The following PANK3 variants were observed in gnomAD, a reference collection of about 807,000 sequenced individuals.
PANK3 encodes the protein pantothenate kinase 3.
PANK3 carries 20 observed loss-of-function variants against 39.4 expected under a neutral mutation model. The ratio of observed to expected loss-of-function variants is 0.51; its 90% CI spans 0.36 to 0.74. PANK3 has a LOEUF of 0.74. PANK3 is among the 30% of genes least tolerant of loss of function. The pLI is 0.00. For synonymous variants in PANK3, 140 were observed against 157.3 expected, an observed-to-expected ratio of 0.89 and a Z score of 0.82; for missense variants, 265 against 437.0, an observed-to-expected ratio of 0.61 and a Z score of 3.51.
At chr5:168,566,474 G>C (rs925671897) in intron 2 of PANK3, among the ~76,000 whole-genome samples, 5 of 152,186 alleles carry the variant, frequency 3.3e-5, no homozygotes, top group African/African-American at 1.2e-4. Flanking sequence ...TTTTCTAAAT[G>C]ATGGGGAGGA....
At chr5:168,569,369 T>C (rs1038951860) in intron 1 of PANK3, among the ~76,000 whole-genome samples, 7 of 151,006 alleles carry the variant, frequency 4.6e-5, no homozygotes, top group Non-Finnish European at 1.0e-4. Context: ...TTTTTTTGTA[T>C]TTTTAGTAGA....
chr5:168,561,095 C>T (rs1016519743), intron 5 of PANK3: 10 of 251,342 alleles, frequency 4.0e-5, no homozygotes, highest in African/African-American at 1.8e-4. Context: ...CAAAGTATCT[C>T]AAAATGTCTT....
At position 168,555,020 on chromosome 5, in the gene PANK3, G is replaced by A. The variant is rs539347562; in HGVS notation, c.*2551C>T. ...TTCCCATATGTAATCTAGAGGTACT[G>A]GAATAATAAGAACACAAAATCATAA... On this transcript the variant is annotated 3_prime_UTR_variant, in exon 7 of 7. Coordinates refer to ENST00000239231, the MANE Select transcript of PANK3 (RefSeq NM_024594.4). The A allele has an allele frequency of 2.6e-5, 4 of 152,194 alleles. No homozygotes were observed. The highest frequency in any genetic ancestry group is 7.2e-5 in the African/African-American group (3 of 41,514). 9.4% of individuals were successfully genotyped at this position (152,194 alleles called of 1,614,324 possible).
intron 1 of PANK3, among the ~76,000 whole-genome samples, chr5:168,573,505 T>C (rs1759681504): frequency 6.8e-6 from 1 of 147,932 alleles, no homozygotes; most frequent in African/African-American, 2.5e-5. Flanking sequence ...GATACACTCC[T>C]TTGTTTAAAT....
chr5:168,575,419 C>T (rs2113036924), intron 1 of PANK3, among the ~76,000 whole-genome samples: 1 of 151,646 alleles, frequency 6.6e-6, no homozygotes, highest in South Asian at 2.1e-4. Flanking sequence ...GTGTGATAAA[C>T]TCAGTATCCT....
intron 1 of PANK3, among the ~76,000 whole-genome samples, chr5:168,573,979 C>T (rs570257010): frequency 8.8e-4 from 134 of 151,942 alleles, no homozygotes; most frequent in African/African-American, 3.0e-3. Flanking sequence ...AATAAACATA[C>T]GTGTGCATGT....
rs963376083 is a variant in PANK3, at chr5:168,551,870, T to A, written c.*5701A>T. 21 of 152,312 alleles carry A rather than the reference T, an allele frequency of 1.4e-4. No homozygotes were observed. The highest frequency in any genetic ancestry group is 5.1e-4 in the African/African-American group (21 of 41,576). The allele number at this position is 152,312 out of a possible 1,614,324, so 9.4% of individuals were successfully genotyped here. ...TTACCATGTATATTACTGGCAATAG[T>A]ACTGACTTTACCCAAACTAAGAGAC... On this transcript the variant is annotated 3_prime_UTR_variant, in exon 7 of 7. Coordinates refer to ENST00000239231, the MANE Select transcript of PANK3 (RefSeq NM_024594.4).
rs1414487463 is a variant in PANK3, at chr5:168,548,824, AG to A, written c.*8746del. On this transcript the variant is annotated 3_prime_UTR_variant, in exon 7 of 7. Transcript: ENST00000239231. ...TACAGATTACAATAGGCTATAACTT[AG>A]TTTATTATGAATAAAATTTATGGCA... is the stretch of plus-strand genomic sequence containing the variant. 4 of 152,246 alleles carry A rather than the reference AG, an allele frequency of 2.6e-5. No homozygotes were observed. Among genetic ancestry groups the A allele is most frequent in the Non-Finnish European group, 4.4e-5 (3 of 68,034 alleles). 9.4% of individuals were successfully genotyped at this position (152,246 alleles called of 1,614,324 possible). A position where few individuals can be genotyped will look rare whatever the true frequency, so the allele number is the denominator to read the frequency against.
At chr5:168,572,562 G>T (rs539847708) in intron 1 of PANK3, among the ~76,000 whole-genome samples, 1 of 150,712 alleles carries the variant, frequency 6.6e-6, no homozygotes, top group African/African-American at 2.4e-5. Context: ...CTTCTTAAGG[G>T]TGGGGGAGAT....
rs189697650 is a variant in PANK3, at chr5:168,575,369, G to C, written c.28+3887C>G. ...CCTTTTAAGATACTAAACAGCAGAA[G>C]CTATCTAGCCACAAGAGCAGACTGT... On this transcript the variant is annotated intron_variant, in intron 1 of 6. Coordinates refer to ENST00000239231, the MANE Select transcript of PANK3 (RefSeq NM_024594.4). Among the ~76,000 whole-genome samples, 365 of 152,296 alleles carry C rather than the reference G, an allele frequency of 2.4e-3. 4 individuals are homozygous for C. The highest frequency in any genetic ancestry group is 2.9e-3 in the Non-Finnish European group (197 of 68,020).
chr5:168,553,118 G>T lies in PANK3; in HGVS notation c.*4453C>A. The T allele has an allele frequency of 2.3e-6, 1 of 441,634 alleles. No individual in the cohort carries two copies. 27.4% of individuals were successfully genotyped at this position (441,634 alleles called of 1,614,324 possible). On this transcript the variant is annotated 3_prime_UTR_variant, in exon 7 of 7. Coordinates refer to ENST00000239231, the MANE Select transcript of PANK3 (RefSeq NM_024594.4). ...TTACGACTTCCAGGGCAAAATGGAA[G>T]GGCTACACTTTATAGGACAGCTGGA... is the stretch of plus-strand genomic sequence containing the variant.
intron 3 of PANK3, among the ~76,000 whole-genome samples, chr5:168,564,681 C>T (rs914608518): frequency 6.6e-6 from 1 of 152,162 alleles, no homozygotes; most frequent in African/African-American, 2.4e-5. Flanking sequence ...AAGCAATCCT[C>T]CACTTTGGCC....
chr5:168,556,891 T>C lies in PANK3; in HGVS notation c.*680A>G, dbSNP rs887737364. Reference sequence around the variant, plus strand: ...AAAATGTTAAACATTTCAACATGTATTGACTAATTCCTGTAAAATACAGAA... The same window carrying C: ...AAAATGTTAAACATTTCAACATGTACTGACTAATTCCTGTAAAATACAGAA... On this transcript the variant is annotated 3_prime_UTR_variant, in exon 7 of 7. Coordinates refer to ENST00000239231, the MANE Select transcript of PANK3 (RefSeq NM_024594.4). 1 of 152,674 alleles carries C rather than the reference T, an allele frequency of 6.5e-6. No individual in the cohort carries two copies. The highest frequency in any genetic ancestry group is 2.4e-5 in the African/African-American group (1 of 41,466). 9.5% of individuals were successfully genotyped at this position (152,674 alleles called of 1,614,324 possible).
At chr5:168,574,759 G>A (rs1273746261) in intron 1 of PANK3, among the ~76,000 whole-genome samples, 1 of 152,078 alleles carries the variant, frequency 6.6e-6, no homozygotes, top group Non-Finnish European at 1.5e-5. Context: ...TACTTGGGAG[G>A]CTAAGGCAGG....
chr5:168,578,572 C>T (rs1043540908), intron 1 of PANK3: 18 of 152,164 alleles, frequency 1.2e-4, no homozygotes, highest in African/African-American at 4.1e-4. Flanking sequence ...TGAAAGTCGA[C>T]CTTTCTAAAA....
chr5:168,552,789 T>C lies in PANK3; in HGVS notation c.*4782A>G, dbSNP rs1413554893. On this transcript the variant is annotated 3_prime_UTR_variant, in exon 7 of 7. Transcript: ENST00000239231. ...AACAGAGAGACTACAGTCAAGAAGA[T>C]AATATTAACCACTCCTGCACTAATC... is the stretch of plus-strand genomic sequence containing the variant. The C allele has an allele frequency of 5.9e-6, 1 of 168,800 alleles. No individual in the cohort carries two copies. The highest frequency in any genetic ancestry group is 1.8e-4 in the East Asian group (1 of 5,520). 10.5% of individuals were successfully genotyped at this position (168,800 alleles called of 1,614,324 possible). A position where few individuals can be genotyped will look rare whatever the true frequency, so the allele number is the denominator to read the frequency against.
intron 4 of PANK3, among the ~76,000 whole-genome samples, chr5:168,561,813 AC>A (rs1334628105): frequency 6.6e-6 from 1 of 152,202 alleles, no homozygotes; most frequent in Non-Finnish European, 1.5e-5. Flanking sequence ...AGCCAAAATT[AC>A]AAAATGTTTC....
Position 168,566,207 on chromosome 5 carries a change from C to G in PANK3, c.441G>C (p.Leu147=). Residue 147 remains leucine (L), a synonymous_variant, in exon 3 of 7, where the codon CTG becomes CTC. Coordinates refer to ENST00000239231, the MANE Select transcript of PANK3 (RefSeq NM_024594.4). ...DELDCLVKGL[L]YIDSVSFNGQ... is the part of the protein sequence containing the mutation. ...CATTGAAACTGACAGAGTCTATATA[C>G]AGCAAGCCCTTTACAAGGCAGTCAA... 1 of 1,613,642 alleles carries G rather than the reference C, an allele frequency of 6.2e-7. No individual in the cohort carries two copies. The highest frequency in any genetic ancestry group is 1.7e-5 in the Admixed American group (1 of 60,002).
At chr5:168,570,375 A>T (rs1316766287) in intron 1 of PANK3, among the ~76,000 whole-genome samples, 2 of 140,730 alleles carry the variant, frequency 1.4e-5, no homozygotes, top group Non-Finnish European at 3.1e-5. Flanking sequence ...ACGGAGCAAG[A>T]CTCCGTCTCA....
Sources: gnomAD v4.1 joint callset for allele counts (sites outside exome capture counted in the v4.1 genomes callset) on GRCh38, gnomAD v4.1.1 for gene constraint, MANE v1.5 for transcripts, NCBI Gene and HGNC (gene_info 2026-07-23, HGNC 2026-07-21) for gene names.